Variants in SESN1 observed in about 807,000 individuals in gnomAD.
The protein encoded by SESN1 is sestrin-1.
In SESN1, 30 loss-of-function variants were observed where a neutral mutation model predicts 59.3. That is an observed-to-expected ratio of 0.51 (90% CI 0.38 to 0.69). SESN1 has a LOEUF of 0.69. SESN1 is among the 30% of genes least tolerant of loss of function. The probability of loss-of-function intolerance (pLI) is 0.00; values close to 1 mark genes in which losing one functional copy is unlikely to be tolerated. For missense variants in SESN1, 566 were observed against 673.0 expected, an observed-to-expected ratio of 0.84 and a Z score of 1.76; for synonymous variants, 197 against 219.9, an observed-to-expected ratio of 0.90 and a Z score of 0.92.
chr6:109,093,881 G>C lies in SESN1; in HGVS notation c.193C>G (p.Leu65Val). Residue 65 changes from leucine to valine, a missense_variant, in exon 1 of 10, where the codon CTA becomes GTA. By Grantham distance (32) the Leu-to-Val change is conservative. Transcript: ENST00000436639. The part of the protein sequence containing the change: ...NTESSDGLNK[L>V]LAHLLMLSKR... ...GAAAGCATAAGCAGATGAGCAAGTAGCTTATTCAACCCATCCGAAGACTCG... is the reference window on the plus strand; with the variant it reads ...GAAAGCATAAGCAGATGAGCAAGTACCTTATTCAACCCATCCGAAGACTCG... 1 of 1,614,198 alleles carries C rather than the reference G, an allele frequency of 6.2e-7. No homozygotes were observed. Among genetic ancestry groups the C allele is most frequent in the African/African-American group, 1.3e-5 (1 of 75,048 alleles).
intron 1 of SESN1, among the ~76,000 whole-genome samples, chr6:109,055,609 T>G (rs1257392283): frequency 7.2e-6 from 1 of 139,780 alleles, no homozygotes; most frequent in East Asian, 2.1e-4. Context: ...TTGCAGTGAG[T>G]GTAGATCATG....
chr6:109,057,311 A>G (rs1583289958), intron 1 of SESN1, among the ~76,000 whole-genome samples: 1 of 152,226 alleles, frequency 6.6e-6, no homozygotes, highest in East Asian at 1.9e-4. Context: ...ATAGTGATTG[A>G]TACGTGAAGG....
At chr6:109,030,122 C>T (rs1212889580) in intron 1 of SESN1, among the ~76,000 whole-genome samples, 1 of 152,184 alleles carries the variant, frequency 6.6e-6, no homozygotes, top group African/African-American at 2.4e-5. Context: ...TCTGCTTCCT[C>T]TGATTCTCCA....
rs1443331379 is a variant in SESN1 at position 108,998,552 on chromosome 6, A to C, written c.933T>G (p.Ser311Arg). ...CTGAGTTGACCGGCATCTCATCCAC[A>C]CTGTGATTGCCATTTGTAATGTCAC... ...CICDITNGNH[S>R]VDEMPVNSAE... The change falls in exon 5 of 10, where the codon AGT (serine) becomes AGG (arginine). Residue 311 changes from serine to arginine, a missense_variant. Coordinates refer to ENST00000436639, the MANE Select transcript of SESN1 (RefSeq NM_014454.3). 1.2e-6 allele frequency: 2 copies of C among 1,613,828 alleles called. No individual in the cohort carries two copies. The highest frequency in any genetic ancestry group is 1.7e-6 in the Non-Finnish European group (2 of 1,179,824).
At chr6:109,065,765 A>C (rs568042989) in intron 1 of SESN1, among the ~76,000 whole-genome samples, 104 of 152,100 alleles carry the variant, frequency 6.8e-4, no homozygotes, top group Middle Eastern at 6.8e-3. Flanking sequence ...CCCTTATTAA[A>C]ATACAAAAAA....
chr6:109,005,530 A>G (rs1779715246), intron 1 of SESN1, among the ~76,000 whole-genome samples: 1 of 152,224 alleles, frequency 6.6e-6, no homozygotes, highest in South Asian at 2.1e-4. Context: ...TACCAAATAT[A>G]TAGTTTATAT....
chr6:109,022,988 C>T (rs1780035917), intron 1 of SESN1, among the ~76,000 whole-genome samples: 2 of 152,278 alleles, frequency 1.3e-5, no homozygotes, highest in South Asian at 2.1e-4. Context: ...ACCATCTTCT[C>T]CTGTCTTCCC....
chr6:109,014,258 G>A (rs538235261), intron 1 of SESN1, among the ~76,000 whole-genome samples: 1 of 152,230 alleles, frequency 6.6e-6, no homozygotes, highest in Non-Finnish European at 1.5e-5. Context: ...TTAAATAACG[G>A]TCAGGTTTTC....
intron 8 of SESN1, among the ~76,000 whole-genome samples, 164 bp from the exon 9 acceptor site, chr6:108,988,851 T>C (rs1779277415): frequency 6.6e-6 from 1 of 151,954 alleles, no homozygotes; most frequent in South Asian, 2.1e-4. Context: ...AATAAGTGAG[T>C]ATAAAGGGAT....
chr6:108,994,698 C>CA (rs1779467203), intron 5 of SESN1, 89 bp from the exon 6 acceptor site: 24 of 293,018 alleles, frequency 8.2e-5, no homozygotes, highest in Non-Finnish European at 1.3e-4. Flanking sequence ...GAATTTATAT[C>CA]TTTTTTTTTT....
intron 1 of SESN1, among the ~76,000 whole-genome samples, chr6:109,034,241 A>G (rs1363420987): frequency 6.6e-6 from 1 of 152,182 alleles, no homozygotes; most frequent in Non-Finnish European, 1.5e-5. Flanking sequence ...GGACTTGAAT[A>G]ATATGTATTT....
intron 1 of SESN1, among the ~76,000 whole-genome samples, chr6:109,055,328 A>C (rs1192804167): frequency 6.6e-6 from 1 of 152,004 alleles, no homozygotes; most frequent in East Asian, 1.9e-4. Context: ...GGTATTTTTC[A>C]GAAATGTAGT....
At chr6:109,001,571 T>A in intron 2 of SESN1, 83 bp from the exon 3 acceptor site, 1 of 1,195,210 alleles carries the variant, frequency 8.4e-7, no homozygotes, top group African/African-American at 1.5e-5. Flanking sequence ...ACACTCTAAG[T>A]ATCATTTAGA....
chr6:109,090,088 T>C (rs1034944951), intron 1 of SESN1, among the ~76,000 whole-genome samples: 1 of 152,208 alleles, frequency 6.6e-6, no homozygotes, highest in Non-Finnish European at 1.5e-5. Context: ...ATACCTAACA[T>C]TAACTGAGCA....
Position 108,998,640 on chromosome 6 carries a change from G to A in SESN1, c.845C>T (p.Pro282Leu), listed in dbSNP as rs768383429. Residue 282 changes from proline to leucine, a missense_variant, in exon 5 of 10, where the codon CCA (proline) becomes CTA (leucine). Transcript: ENST00000436639. ...GTGGCCACCATCACAATGAATTTCT[G>A]GACTGATTCCACAGCCGAATGTGAA... ...ASFTFGCGIS[P>L]EIHCDGGHTF... 1.9e-6 allele frequency: 3 copies of A among 1,613,802 alleles called. No homozygotes were observed. Among genetic ancestry groups the A allele is most frequent in the Non-Finnish European group, 2.5e-6 (3 of 1,179,870 alleles).
At chr6:109,015,975 C>T (rs1031228836) in intron 1 of SESN1, among the ~76,000 whole-genome samples, 7 of 152,030 alleles carry the variant, frequency 4.6e-5, no homozygotes, top group South Asian at 2.1e-4. Flanking sequence ...ATTTTAAATA[C>T]GAGGAATTAG....
intron 1 of SESN1, among the ~76,000 whole-genome samples, chr6:109,043,299 C>G (rs1194311664): frequency 3.9e-5 from 6 of 152,086 alleles, no homozygotes; most frequent in African/African-American, 1.2e-4. Context: ...AATATTTACT[C>G]TCACCACTCT....
chr6:109,060,849 C>T (rs1268675512), intron 1 of SESN1, among the ~76,000 whole-genome samples: 1 of 152,048 alleles, frequency 6.6e-6, no homozygotes, highest in East Asian at 1.9e-4. Flanking sequence ...ATGACATAAT[C>T]TTCCTTCTCT....
chr6:109,077,908 A>AT (rs1554267068), intron 1 of SESN1, among the ~76,000 whole-genome samples: 2 of 152,078 alleles, frequency 1.3e-5, no homozygotes, highest in Non-Finnish European at 2.9e-5. Flanking sequence ...AGTGATTTTA[A>AT]TTTTTTTAAT....
Sources: allele counts gnomAD v4.1 joint callset (sites outside exome capture counted in the v4.1 genomes callset), GRCh38; gene constraint gnomAD v4.1.1; transcripts MANE v1.5; gene names NCBI Gene and HGNC (gene_info 2026-07-23, HGNC 2026-07-21).